LHFPL3: variants seen among roughly 807,000 people sequenced by gnomAD.
LHFPL3 encodes the protein LHFPL tetraspan subfamily member 3.
In LHFPL3, 5 loss-of-function variants were observed where a neutral mutation model predicts 19.3. The ratio of observed to expected loss-of-function variants is 0.26; its 90% confidence interval spans 0.14 to 0.54. The LOEUF is 0.54. Among genes scored for constraint, LHFPL3 ranks in the 20% least tolerant of loss-of-function variants. The pLI, the probability that LHFPL3 is intolerant of heterozygous loss-of-function variation, is 0.94. For synonymous variants in LHFPL3, 133 were observed against 126.2 expected, an observed-to-expected ratio of 1.05 and a Z score of -0.36; for missense variants, 249 against 307.4, an observed-to-expected ratio of 0.81 and a Z score of 1.42.
intron 1 of LHFPL3, among the ~76,000 whole-genome samples, chr7:104,609,368 G>A (rs1158413562): frequency 6.6e-6 from 1 of 152,160 alleles, no homozygotes; most frequent in Non-Finnish European, 1.5e-5. Context: ...ATTAATGTAA[G>A]CAACTACCCA....
chr7:104,390,527 G>T (rs1267896297), intron 1 of LHFPL3, among the ~76,000 whole-genome samples: 2 of 152,184 alleles, frequency 1.3e-5, no homozygotes, highest in African/African-American at 2.4e-5. Context: ...CCTTTTTTAA[G>T]GCTGCGTAGT....
intron 1 of LHFPL3, among the ~76,000 whole-genome samples, chr7:104,598,986 C>T (rs1790915445): frequency 6.6e-6 from 1 of 152,212 alleles, no homozygotes; most frequent in Non-Finnish European, 1.5e-5. Context: ...ATAAAGTTTA[C>T]ATTTTTAATT....
intron 1 of LHFPL3, among the ~76,000 whole-genome samples, chr7:104,451,332 T>A (rs549497014): frequency 6.6e-6 from 1 of 152,342 alleles, no homozygotes; most frequent in Non-Finnish European, 1.5e-5. Flanking sequence ...GAGGTTAAGA[T>A]AGCTGAAGAA....
intron 2 of LHFPL3, among the ~76,000 whole-genome samples, chr7:104,833,998 G>A (rs1202451836): frequency 6.7e-6 from 1 of 148,408 alleles, no homozygotes; most frequent in Non-Finnish European, 1.5e-5. Context: ...TCTCAAAACT[G>A]AAGAATTTAG....
chr7:104,535,085 A>C (rs2115856530), intron 1 of LHFPL3, among the ~76,000 whole-genome samples: 1 of 152,278 alleles, frequency 6.6e-6, no homozygotes, highest in South Asian at 2.1e-4. Flanking sequence ...GGTCCTCCTA[A>C]CCCATGTTCC....
At chr7:104,849,411 T>C (rs1418517503) in intron 2 of LHFPL3, among the ~76,000 whole-genome samples, 1 of 152,146 alleles carries the variant, frequency 6.6e-6, no homozygotes, top group Non-Finnish European at 1.5e-5. Context: ...ACACATTAAT[T>C]TGCTCCCTCA....
intron 2 of LHFPL3, among the ~76,000 whole-genome samples, chr7:104,784,821 A>C (rs561269264): frequency 6.6e-6 from 1 of 152,356 alleles, no homozygotes; most frequent in South Asian, 2.1e-4. Flanking sequence ...AGTCACAAAA[A>C]GACAAGCCCC....
In LHFPL3 at chr7:104,354,773, CATATGTA is replaced by C. The variant is rs1790242683; in HGVS notation, c.445+25552_445+25558del. ...TTCATCTAAAATATTATGCCACCCA[CATATGTA>C]ATTGCACAATTTCTAGTAGGCACAT... On this transcript the variant is annotated intron_variant, in intron 1 of 2. Transcript: ENST00000424859. Among the ~76,000 whole-genome samples, 12 of 152,222 alleles carry C rather than the reference CATATGTA, an allele frequency of 7.9e-5. No homozygotes were observed. In the South Asian group the frequency reaches 2.5e-3, roughly 32 times the overall value.
At chr7:104,416,962 A>T (rs1791633428) in intron 1 of LHFPL3, among the ~76,000 whole-genome samples, 1 of 152,214 alleles carries the variant, frequency 6.6e-6, no homozygotes, top group South Asian at 2.1e-4. Flanking sequence ...TGCTCCCACA[A>T]TAACAGCGTT....
chr7:104,536,974 T>A (rs969855080), intron 1 of LHFPL3, among the ~76,000 whole-genome samples: 6 of 152,242 alleles, frequency 3.9e-5, no homozygotes, highest in Non-Finnish European at 8.8e-5. Context: ...CTATTTAATC[T>A]TCTACCTCGG....
At position 104,329,231 on chromosome 7, in the gene LHFPL3, G is replaced by A. The variant is rs1487815169; in HGVS notation, c.445+7G>A. The A allele has an allele frequency of 2.5e-6, 4 of 1,591,876 alleles. No homozygotes were observed. The highest frequency in any genetic ancestry group is 3.4e-6 in the Non-Finnish European group (4 of 1,165,868). ...TGGATGCAGCTCACCTCCGGTGAGT[G>A]CGCGCTCACCTCCGCGGAGGCGGAG... On this transcript the variant is annotated splice_region_variant and intron_variant, in intron 1 of 2. Coordinates refer to ENST00000424859, the MANE Select transcript of LHFPL3 (RefSeq NM_199000.3).
intron 1 of LHFPL3, among the ~76,000 whole-genome samples, chr7:104,362,756 G>A (rs1042365988): frequency 1.3e-5 from 2 of 152,214 alleles, no homozygotes; most frequent in Admixed American, 6.5e-5. Flanking sequence ...AGAGGCTAGA[G>A]TTCTTAGAAG....
intron 2 of LHFPL3, among the ~76,000 whole-genome samples, chr7:104,837,876 AT>A (rs1791127476): frequency 2.0e-5 from 3 of 152,230 alleles, no homozygotes; most frequent in Non-Finnish European, 2.9e-5. Flanking sequence ...GATAGACATT[AT>A]TAGACGTTCA....
At chr7:104,832,624 C>CTTTTTTTTTTTTTTTTT (rs10636405) in intron 2 of LHFPL3, among the ~76,000 whole-genome samples, 1 of 132,032 alleles carries the variant, frequency 7.6e-6, no homozygotes. Context: ...TTTTTTCCTT[C>CTTTTTTTTTTTTTTTTT]TTTTTTTTTT....
chr7:104,647,471 A>G (rs1210246919), intron 1 of LHFPL3, among the ~76,000 whole-genome samples: 1 of 152,226 alleles, frequency 6.6e-6, no homozygotes, highest in Admixed American at 6.5e-5. Flanking sequence ...AGAGTCTTGA[A>G]TAATTTGTCA....
At chr7:104,472,342 C>T (rs1792928201) in intron 1 of LHFPL3, among the ~76,000 whole-genome samples, 2 of 152,246 alleles carry the variant, frequency 1.3e-5, no homozygotes, top group African/African-American at 4.8e-5. Context: ...ACTCACTTCC[C>T]ATCAAATGGA....
chr7:104,476,530 G>A (rs1584346470), intron 1 of LHFPL3, among the ~76,000 whole-genome samples: 4 of 151,964 alleles, frequency 2.6e-5, no homozygotes, highest in East Asian at 1.9e-4. Flanking sequence ...GCACGATCTC[G>A]GCTCACTGCA....
At chr7:104,677,748 G>C (rs762707376) in intron 1 of LHFPL3, among the ~76,000 whole-genome samples, 9 of 152,178 alleles carry the variant, frequency 5.9e-5, no homozygotes, top group Non-Finnish European at 1.3e-4. Flanking sequence ...AACATAGTTA[G>C]TACAACTGAG....
At chr7:104,598,769 A>G (rs1282978424) in intron 1 of LHFPL3, among the ~76,000 whole-genome samples, 2 of 152,204 alleles carry the variant, frequency 1.3e-5, no homozygotes, top group Admixed American at 1.3e-4. Context: ...ATCATTATAC[A>G]TCCACCTTAT....
Sources: allele counts gnomAD v4.1 joint callset (sites outside exome capture counted in the v4.1 genomes callset), GRCh38; gene constraint gnomAD v4.1.1; transcripts MANE v1.5; gene names NCBI Gene and HGNC (gene_info 2026-07-23, HGNC 2026-07-21).